The following CD200R1 variants were observed in gnomAD, a reference collection of about 807,000 sequenced individuals.
CD200R1 encodes CD200 receptor 1.
CD200R1 carries 30 observed loss-of-function variants against 38.1 expected under a neutral mutation model. The observed-to-expected ratio is 0.79, with a 90% CI of 0.59 to 1.07. CD200R1 has a LOEUF of 1.07. CD200R1 is among the 50% of genes least tolerant of loss of function. The probability of loss-of-function intolerance (pLI) is 0.00; values close to 1 mark genes in which losing one functional copy is unlikely to be tolerated. For synonymous variants in CD200R1, 128 were observed against 152.1 expected (o/e 0.84, Z 1.16); for missense variants, 372 against 415.4 (o/e 0.90, Z 0.91).
intron 2 of CD200R1, among the ~76,000 whole-genome samples, chr3:112,934,757 G>T (rs964072176): frequency 6.6e-6 from 1 of 152,116 alleles, no homozygotes; most frequent in South Asian, 2.1e-4. Flanking sequence ...TTGAACCGGG[G>T]AAGCAGAGGT....
chr3:112,933,553 A>C (rs1225607987), intron 2 of CD200R1, among the ~76,000 whole-genome samples: 1 of 152,206 alleles, frequency 6.6e-6, no homozygotes, highest in Non-Finnish European at 1.5e-5. Context: ...TGTAGGTATC[A>C]ACATAGAAAC....
chr3:112,946,052 AGG>A lies in CD200R1; in HGVS notation c.136+1802_136+1803del, dbSNP rs143906487. Among the ~76,000 whole-genome samples, 127 of 140,334 alleles carry A rather than the reference AGG, an allele frequency of 9.0e-4. 1 individual carries two copies. Among genetic ancestry groups the A allele is most frequent in the Non-Finnish European group, 1.5e-3 (90 of 60,504 alleles). 92.1% of individuals were successfully genotyped at this position (140,334 alleles called of 152,430 possible). ...CGTCTCAAAAAAAAAAAAAAAAAAA[AGG>A]AGAACGAAAAGATAAGCCACATACT... is the stretch of plus-strand genomic sequence containing the variant. On this transcript the variant is annotated intron_variant, in intron 2 of 7. Coordinates refer to ENST00000308611, the MANE Select transcript of CD200R1 (RefSeq NM_138806.4).
chr3:112,957,304 A>G (rs1338015529), intron 1 of CD200R1, among the ~76,000 whole-genome samples: 6 of 152,080 alleles, frequency 3.9e-5, no homozygotes, highest in Admixed American at 3.3e-4. Flanking sequence ...TATATGGGGG[A>G]ATGATTGCTA....
chr3:112,935,332 T>C (rs900349299), intron 2 of CD200R1, among the ~76,000 whole-genome samples: 14 of 152,210 alleles, frequency 9.2e-5, no homozygotes, highest in African/African-American at 2.2e-4. Flanking sequence ...ATTGACAATA[T>C]GTTAGGTCAC....
chr3:112,962,103 G>A (rs1933033970), intron 1 of CD200R1, among the ~76,000 whole-genome samples: 1 of 152,170 alleles, frequency 6.6e-6, no homozygotes, highest in African/African-American at 2.4e-5. Context: ...GCAATATAAA[G>A]TCTGTGGCAG....
At chr3:112,963,541 A>G (rs1428064468) in intron 1 of CD200R1, among the ~76,000 whole-genome samples, 1 of 152,152 alleles carries the variant, frequency 6.6e-6, no homozygotes, top group Non-Finnish European at 1.5e-5. Flanking sequence ...TGCCCTAGAG[A>G]TGTGTGGAAC....
chr3:112,948,599 G>C (rs970969353), intron 1 of CD200R1, among the ~76,000 whole-genome samples: 7 of 152,154 alleles, frequency 4.6e-5, no homozygotes, highest in Non-Finnish European at 8.8e-5. Context: ...CTGACAAGAG[G>C]TGGAGCTCAG....
intron 2 of CD200R1, among the ~76,000 whole-genome samples, chr3:112,943,645 A>C (rs748998875): frequency 2.6e-5 from 4 of 151,774 alleles, no homozygotes; most frequent in African/African-American, 9.7e-5. Context: ...AATAAAATTG[A>C]AAATGAGAAA....
At chr3:112,971,482 C>T (rs1576158149) in intron 1 of CD200R1, among the ~76,000 whole-genome samples, 1 of 152,092 alleles carries the variant, frequency 6.6e-6, no homozygotes, top group Admixed American at 6.6e-5. Flanking sequence ...AACGAAACTC[C>T]CTTCTCAGTC....
rs150935911 is a variant in CD200R1 at position 112,967,590 on chromosome 3, A to G, written c.67+7201T>C. ...GCAGGACCTATGTCTGTCTTGATCA[A>G]ATGTCCACAGCATGAAGCACAGTGA... On this transcript the variant is annotated intron_variant, in intron 1 of 7. Transcript: ENST00000308611. 3.6e-3 allele frequency among the ~76,000 whole-genome samples: 556 copies of G among 152,356 alleles called. 5 individuals carry two copies. The highest frequency in any genetic ancestry group is 0.013 in the African/African-American group (537 of 41,574).
Position 112,947,844 on chromosome 3 carries a change from G to T in CD200R1, c.136+12C>A. 1 of 1,587,740 alleles carries T rather than the reference G, an allele frequency of 6.3e-7. No homozygotes were observed. The highest frequency in any genetic ancestry group is 8.6e-7 in the Non-Finnish European group (1 of 1,156,124). ...TCCCCTACTAGAATTATTGTTAAAA[G>T]ATGCACATTACCTAAAGCATGATTC... On this transcript the variant is annotated intron_variant, in intron 2 of 7. Transcript: ENST00000308611.
chr3:112,943,749 C>T (rs1940777111), intron 2 of CD200R1, among the ~76,000 whole-genome samples: 1 of 151,694 alleles, frequency 6.6e-6, no homozygotes, highest in East Asian at 1.9e-4. Context: ...ATACAAGTTG[C>T]TAATATCTGA....
At position 112,923,678 on chromosome 3, in the gene CD200R1, T is replaced by TA; in HGVS notation, c.1045dup (p.Ter349LeufsTer18). The TA allele has an allele frequency of 6.8e-7, 1 of 1,469,432 alleles. No individual in the cohort carries two copies. The highest frequency in any genetic ancestry group is 9.5e-7 in the Non-Finnish European group (1 of 1,057,018). The allele number at this position is 1,469,432 out of a possible 1,614,324, so 91.0% of individuals were successfully genotyped here. A position where few individuals can be genotyped will look rare whatever the true frequency, so the allele number is the denominator to read the frequency against. The stretch of plus-strand genomic sequence containing the variant: ...TTCTTGGTACTAGAGTCCAACAACT[T>TA]ATAAAGTATGGAGGTCTGTGTCAAC... On this transcript the variant is annotated frameshift_variant and stop_lost, in exon 8 of 8. Coordinates refer to ENST00000308611, the MANE Select transcript of CD200R1 (RefSeq NM_138806.4). LOFTEE classifies it high-confidence loss of function.
intron 2 of CD200R1, among the ~76,000 whole-genome samples, chr3:112,932,680 T>C (rs1383428768): frequency 6.6e-6 from 1 of 151,754 alleles, no homozygotes; most frequent in Non-Finnish European, 1.5e-5. Flanking sequence ...CTGTCAAGGG[T>C]GTCGCTCCCA....
chr3:112,944,610 A>C (rs1559950555), intron 2 of CD200R1, among the ~76,000 whole-genome samples: 1 of 152,070 alleles, frequency 6.6e-6, no homozygotes, highest in East Asian at 1.9e-4. Context: ...ATGCTTTTCT[A>C]ACTAATTCAC....
intron 1 of CD200R1, among the ~76,000 whole-genome samples, chr3:112,952,185 T>G (rs1940983383): frequency 6.6e-6 from 1 of 152,118 alleles, no homozygotes. Context: ...TAGACACACA[T>G]ATATATACTT....
At chr3:112,969,327 G>A (rs1026771862) in intron 1 of CD200R1, among the ~76,000 whole-genome samples, 2 of 151,368 alleles carry the variant, frequency 1.3e-5, no homozygotes, top group Admixed American at 6.6e-5. Context: ...AGGGAACTAA[G>A]AACTAAGAGA....
chr3:112,960,652 T>A (rs917503028), intron 1 of CD200R1, among the ~76,000 whole-genome samples: 1 of 151,906 alleles, frequency 6.6e-6, no homozygotes, highest in African/African-American at 2.4e-5. Context: ...AAACACATGA[T>A]AAAATGTAAA....
At chr3:112,932,777 A>T (rs911164234) in intron 2 of CD200R1, among the ~76,000 whole-genome samples, 6 of 151,906 alleles carry the variant, frequency 3.9e-5, no homozygotes. Context: ...CCCAGTGGAC[A>T]TCCCCCCCAG....
Sources: gnomAD v4.1 joint callset for allele counts (sites outside exome capture counted in the v4.1 genomes callset) on GRCh38, gnomAD v4.1.1 for gene constraint, MANE v1.5 for transcripts, NCBI Gene and HGNC (gene_info 2026-07-23, HGNC 2026-07-21) for gene names.